Variants in GRIN2A observed in about 807,000 individuals in gnomAD.
GRIN2A encodes glutamate receptor ionotropic, NMDA 2A.
A neutral mutation model predicts 113.4 loss-of-function variants in GRIN2A; 22 were observed. That is an observed-to-expected ratio of 0.19 (90% CI 0.14 to 0.28). The LOEUF (loss-of-function observed/expected upper bound fraction) is 0.28. Among genes scored for constraint, GRIN2A ranks in the 10% least tolerant of loss-of-function variants. The pLI is 1.00. For synonymous variants in GRIN2A, 827 were observed against 738.4 expected, an observed-to-expected ratio of 1.12 and a Z score of -1.94; for missense variants, 1,502 against 1,887.0, an observed-to-expected ratio of 0.80 and a Z score of 3.78.
intron 2 of GRIN2A, among the ~76,000 whole-genome samples, chr16:9,954,992 G>A (rs567498260): frequency 1.5e-4 from 23 of 152,088 alleles, no homozygotes; most frequent in Non-Finnish European, 1.9e-4. Context: ...CCATCACCTG[G>A]GATCAGACTG....
chr16:9,937,287 C>T (rs577095944), intron 3 of GRIN2A, among the ~76,000 whole-genome samples: 68 of 151,878 alleles, frequency 4.5e-4, no homozygotes, highest in Non-Finnish European at 6.9e-4. Flanking sequence ...TGAATAAGAC[C>T]TACTATACGA....
Position 9,762,954 on chromosome 16 carries a change from C to G in GRIN2A, c.*195G>C. 1.6e-6 allele frequency: 1 copy of G among 632,468 alleles called. No individual in the cohort carries two copies. Among genetic ancestry groups the G allele is most frequent in the Non-Finnish European group, 2.8e-6 (1 of 360,972 alleles). The allele number at this position is 632,468 out of a possible 1,614,324, so 39.2% of individuals were successfully genotyped here. A position where few individuals can be genotyped will look rare whatever the true frequency, so the allele number is the denominator to read the frequency against. ...TATCTGGTGTCTGCCATGCTCAGCACACACCTCACAAGATTCCTTGAGTGG... is the reference window on the plus strand; with the variant it reads ...TATCTGGTGTCTGCCATGCTCAGCAGACACCTCACAAGATTCCTTGAGTGG... On this transcript the variant is annotated 3_prime_UTR_variant, in exon 13 of 13. Transcript: ENST00000330684.
Position 10,180,207 on chromosome 16 carries a change from C to A in GRIN2A, c.205G>T (p.Val69Leu), listed in dbSNP as rs367543128. ...QAAGLPLDVN[V>L]VALLMNRTDP... ...GTGCGGTTCATCAGCAGAGCTACCACGTTCACGTCCAGGGGCAGCCCCGCC... is the reference window on the plus strand; with the variant it reads ...GTGCGGTTCATCAGCAGAGCTACCAAGTTCACGTCCAGGGGCAGCCCCGCC... Residue 69 changes from valine (V) to leucine (L), a missense_variant, in exon 2 of 13, where the codon GTG becomes TTG. Val to Leu is a conservative substitution (Grantham distance 32). Around this residue, in one of 7 missense-constraint regions of GRIN2A, gnomAD observed 149 missense variants for 179.1 expected, o/e 0.83. Transcript: ENST00000330684. This position sits in a 1 kb window ranked among gnomAD's most constrained non-coding sequence, Gnocchi z 7.0. The A allele has an allele frequency of 3.7e-6, 6 of 1,614,162 alleles. No individual in the cohort carries two copies. The East Asian group carries it at 1.1e-4, about 30-fold the overall frequency.
intron 2 of GRIN2A, among the ~76,000 whole-genome samples, chr16:10,055,114 A>G (rs1243750167): frequency 1.8e-5 from 1 of 54,328 alleles, no homozygotes; most frequent in African/African-American, 6.0e-5. Flanking sequence ...AGAAAAAAGA[A>G]AAAAAAAACA....
intron 8 of GRIN2A, among the ~76,000 whole-genome samples, chr16:9,830,411 A>G (rs774990183): frequency 2.7e-5 from 4 of 146,986 alleles, no homozygotes; most frequent in Admixed American, 2.1e-4. Flanking sequence ...GCCAAAATTT[A>G]TGGCGATGGG....
chr16:10,019,836 G>A (rs1325721643), intron 2 of GRIN2A, among the ~76,000 whole-genome samples: 1 of 152,170 alleles, frequency 6.6e-6, no homozygotes, highest in Non-Finnish European at 1.5e-5. Context: ...CCATTATAAG[G>A]TGAATGAATA....
chr16:9,762,649 A>C lies in GRIN2A; in HGVS notation c.*500T>G, dbSNP rs1276414416. 1 of 248,692 alleles carries C rather than the reference A, an allele frequency of 4.0e-6. No individual in the cohort carries two copies. Among genetic ancestry groups the C allele is most frequent in the Non-Finnish European group, 7.9e-6 (1 of 126,976 alleles). The allele number at this position is 248,692 out of a possible 1,614,324, so 15.4% of individuals were successfully genotyped here. On this transcript the variant is annotated 3_prime_UTR_variant, in exon 13 of 13. Coordinates refer to ENST00000330684, the MANE Select transcript of GRIN2A (RefSeq NM_001134407.3). The stretch of plus-strand genomic sequence containing the variant: ...CGAGCCAAACTTCCTAATCTCTTGC[A>C]CATGTCAATCGCACTACAGTGCAGA...
chr16:9,828,851 A>G (rs890534886), intron 9 of GRIN2A, among the ~76,000 whole-genome samples: 6 of 152,204 alleles, frequency 3.9e-5, no homozygotes, highest in African/African-American at 1.2e-4. Flanking sequence ...ACAGAAAGAA[A>G]GAAAGAAAAA....
intron 4 of GRIN2A, among the ~76,000 whole-genome samples, chr16:9,864,509 T>C (rs1321129917): frequency 9.2e-5 from 14 of 152,094 alleles, no homozygotes. Context: ...GGAGATAAGT[T>C]CCAGGTAATT....
chr16:9,904,492 C>G (rs541619092), intron 3 of GRIN2A, among the ~76,000 whole-genome samples: 1 of 152,166 alleles, frequency 6.6e-6, no homozygotes, highest in East Asian at 1.9e-4. Context: ...ATGTCTCTGT[C>G]TCCCCAGTAG....
chr16:9,976,307 T>C (rs2045772464), intron 2 of GRIN2A, among the ~76,000 whole-genome samples: 1 of 152,188 alleles, frequency 6.6e-6, no homozygotes, highest in East Asian at 1.9e-4. Flanking sequence ...AGCCATCTCA[T>C]TTACCTGAGG....
At chr16:9,862,008 T>C (rs891862822) in intron 4 of GRIN2A, among the ~76,000 whole-genome samples, 2 of 152,208 alleles carry the variant, frequency 1.3e-5, no homozygotes, top group African/African-American at 4.8e-5. Flanking sequence ...TCTGGAGTGT[T>C]GGAATCAGTA....
Position 10,134,129 on chromosome 16 carries a change from G to A in GRIN2A, c.414+45869C>T, listed in dbSNP as rs980866310. 1.1e-4 allele frequency among the ~76,000 whole-genome samples: 16 copies of A among 148,630 alleles called. No individual in the cohort carries two copies. The East Asian group carries it at 2.2e-3, about 21-fold the overall frequency. ...GAGAATCACTTGAGACCAGGAAGTC[G>A]AAGGTGCAGTGAGTGATCACATCAC... On this transcript the variant is annotated intron_variant, in intron 2 of 12. Coordinates refer to ENST00000330684, the MANE Select transcript of GRIN2A (RefSeq NM_001134407.3).
At chr16:9,993,182 G>T (rs1596398000) in intron 2 of GRIN2A, among the ~76,000 whole-genome samples, 1 of 151,928 alleles carries the variant, frequency 6.6e-6, no homozygotes, top group East Asian at 1.9e-4. Context: ...GCAGTGAGCC[G>T]AGATCTCTCC....
chr16:10,020,185 G>C (rs1352232756), intron 2 of GRIN2A, among the ~76,000 whole-genome samples: 1 of 152,192 alleles, frequency 6.6e-6, no homozygotes, highest in African/African-American at 2.4e-5. Flanking sequence ...AGGCTGAGAT[G>C]GGTGGATGAC....
At chr16:10,111,437 C>G (rs1382101921) in intron 2 of GRIN2A, 2 of 565,156 alleles carry the variant, frequency 3.5e-6, no homozygotes, top group East Asian at 6.7e-5. Flanking sequence ...GACTGGCTCA[C>G]CGTGCAGCAG....
intron 2 of GRIN2A, among the ~76,000 whole-genome samples, chr16:10,175,066 G>A (rs2050115892): frequency 6.6e-6 from 1 of 152,208 alleles, no homozygotes; most frequent in Non-Finnish European, 1.5e-5. Flanking sequence ...ACAATATTTA[G>A]TATAGCATTC....
At chr16:9,959,388 T>C (rs2045382174) in intron 2 of GRIN2A, among the ~76,000 whole-genome samples, 1 of 152,188 alleles carries the variant, frequency 6.6e-6, no homozygotes, top group African/African-American at 2.4e-5. Context: ...GCCCTGCATG[T>C]CTCCCCATAG....
intron 2 of GRIN2A, among the ~76,000 whole-genome samples, chr16:10,051,455 G>A (rs2047358817): frequency 6.6e-6 from 1 of 152,160 alleles, no homozygotes; most frequent in Non-Finnish European, 1.5e-5. Context: ...CCAGAGCCAA[G>A]ATCAATGGCT....
Sources: allele counts gnomAD v4.1 joint callset (sites outside exome capture counted in the v4.1 genomes callset), GRCh38; gene constraint gnomAD v4.1.1; regional missense constraint gnomAD v4.1.1; non-coding constraint Gnocchi (gnomAD v3.1); transcripts MANE v1.5; gene names NCBI Gene and HGNC (gene_info 2026-07-23, HGNC 2026-07-21).